Variants in ACSM2A observed in about 807,000 individuals in gnomAD.
ACSM2A encodes acyl-CoA synthetase medium chain family member 2A.
Under a neutral mutation model 76.6 loss-of-function variants are expected in ACSM2A, and 72 were observed. That is an observed-to-expected ratio of 0.94 (90% CI 0.78 to 1.14). The LOEUF (loss-of-function observed/expected upper bound fraction) is 1.14, where lower values mean the gene tolerates loss of function less well. Among genes scored for constraint, ACSM2A ranks in the 50% most tolerant of loss-of-function variants. The probability of loss-of-function intolerance (pLI) is 0.00; values close to 1 mark genes in which losing one functional copy is unlikely to be tolerated. For missense variants in ACSM2A, 684 were observed against 708.5 expected (o/e 0.97, Z 0.39); for synonymous variants, 249 against 255.9 (o/e 0.97, Z 0.26).
intron 6 of ACSM2A, chr16:20,474,179 C>A (rs754755012): frequency 4.6e-5 from 16 of 350,656 alleles, no homozygotes; most frequent in Admixed American, 1.1e-4. Flanking sequence ...TCTGTCATGG[C>A]CATGGTCACT....
At chr16:20,479,646 T>G (rs568977078) in intron 10 of ACSM2A, among the ~76,000 whole-genome samples, 3 of 152,216 alleles carry the variant, frequency 2.0e-5, no homozygotes, top group African/African-American at 7.2e-5. Flanking sequence ...AGAGCCACAC[T>G]GTCCCCTTCT....
At chr16:20,464,162 C>T (rs1251291163) in intron 2 of ACSM2A, among the ~76,000 whole-genome samples, 8 of 152,188 alleles carry the variant, frequency 5.3e-5, no homozygotes, top group Admixed American at 2.0e-4. Flanking sequence ...AACTATTTAA[C>T]CAGTGCCTAA....
chr16:20,475,810 T>A (rs1364106169), intron 8 of ACSM2A, 37 bp downstream of exon 8: 1 of 1,602,118 alleles, frequency 6.2e-7, no homozygotes, highest in East Asian at 2.2e-5. Flanking sequence ...CTGTGTGCAC[T>A]TTTTGGGCTT....
At chr16:20,455,111 T>A (rs550464860) in intron 1 of ACSM2A, among the ~76,000 whole-genome samples, 7 of 146,744 alleles carry the variant, frequency 4.8e-5, no homozygotes, top group East Asian at 2.2e-4. Context: ...AAAAAAAAAA[T>A]TTTCAATGAA....
Position 20,471,614 on chromosome 16 carries a change from T to C in ACSM2A, c.819T>C (p.Leu273=). Residue 273 remains leucine, a synonymous_variant, in exon 6 of 14, where the codon CTT becomes CTC. Transcript: ENST00000573854. The part of the protein sequence containing the change: ...TGWILNILCS[L]MEPWALGACT... ...GGATACTGAACATCTTGTGCTCACT[T>C]ATGGAACCTTGGGCATTAGGAGCAT... 6.2e-7 allele frequency: 1 copy of C among 1,614,078 alleles called. No individual in the cohort carries two copies. The highest frequency in any genetic ancestry group is 2.2e-5 in the East Asian group (1 of 44,878).
chr16:20,456,443 T>C (rs1402982379), intron 1 of ACSM2A, among the ~76,000 whole-genome samples: 1 of 148,528 alleles, frequency 6.7e-6, no homozygotes, highest in East Asian at 2.1e-4. Flanking sequence ...TGAAATTATA[T>C]CAAGTACTCT....
intron 1 of ACSM2A, among the ~76,000 whole-genome samples, chr16:20,457,096 A>G (rs2012219414): frequency 6.6e-6 from 1 of 151,998 alleles, no homozygotes; most frequent in African/African-American, 2.4e-5. Context: ...CTCCTAGCTT[A>G]AGTCAGGAAG....
intron 3 of ACSM2A, among the ~76,000 whole-genome samples, chr16:20,467,740 A>T (rs1160325063): frequency 1.2e-4 from 19 of 152,220 alleles, no homozygotes; most frequent in Non-Finnish European, 2.2e-4. Flanking sequence ...TGTTGAGTCC[A>T]GGATGTCCAT....
chr16:20,473,335 T>C (rs2013530770), intron 6 of ACSM2A, among the ~76,000 whole-genome samples: 1 of 152,138 alleles, frequency 6.6e-6, no homozygotes, highest in African/African-American at 2.4e-5. Context: ...AGTTCCACCA[T>C]TAAAAAAATG....
chr16:20,473,527 G>A (rs1400281485), intron 6 of ACSM2A, among the ~76,000 whole-genome samples: 3 of 152,118 alleles, frequency 2.0e-5, no homozygotes, highest in Admixed American at 6.6e-5. Flanking sequence ...TGTGTATCAA[G>A]CACACTTGAA....
chr16:20,475,519 T>C, intron 7 of ACSM2A, 78 bp downstream of exon 7: 2 of 1,604,786 alleles, frequency 1.2e-6, no homozygotes, highest in Non-Finnish European at 1.7e-6. Context: ...TGCCTATCTA[T>C]CTGAATCTCT....
At chr16:20,471,292 A>G (rs1396050648) in intron 5 of ACSM2A, 76 bp downstream of exon 5, 14 of 1,562,402 alleles carry the variant, frequency 9.0e-6, no homozygotes, top group Non-Finnish European at 1.2e-5. Context: ...CCAATTATAT[A>G]TTAAGTCAGG....
chr16:20,465,839 C>T, intron 3 of ACSM2A, 112 bp downstream of exon 3: 1 of 1,459,904 alleles, frequency 6.8e-7, no homozygotes, highest in Non-Finnish European at 9.1e-7. Context: ...GCATGCTGTC[C>T]TGTATCATAT....
intron 4 of ACSM2A, 156 bp from the exon 5 acceptor site, chr16:20,470,917 A>G (rs1487118330): frequency 4.2e-6 from 5 of 1,181,198 alleles, no homozygotes; most frequent in South Asian, 1.3e-5. Context: ...TGATTGACTC[A>G]GACTCCCATG....
chr16:20,480,737 G>C, intron 11 of ACSM2A, 37 bp downstream of exon 11: 1 of 1,609,898 alleles, frequency 6.2e-7, no homozygotes, highest in Non-Finnish European at 8.5e-7. Context: ...GGAAATCTGG[G>C]TCTTTACTCT....
chr16:20,467,673 C>T (rs952692474), intron 3 of ACSM2A, among the ~76,000 whole-genome samples: 3 of 152,016 alleles, frequency 2.0e-5, no homozygotes, highest in Non-Finnish European at 1.5e-5. Context: ...GTGAAGAACA[C>T]AGATATAGAA....
chr16:20,459,734 A>T (rs1417103609), intron 1 of ACSM2A, among the ~76,000 whole-genome samples: 1 of 152,202 alleles, frequency 6.6e-6, no homozygotes, highest in Non-Finnish European at 1.5e-5. Flanking sequence ...CTGGGAAGTC[A>T]CTTGAAAATG....
rs1186487543 is a variant in ACSM2A at position 20,469,728 on chromosome 16, C to G, written c.596+9C>G. 1.1e-5 allele frequency: 17 copies of G among 1,613,590 alleles called. No homozygotes were observed. Among genetic ancestry groups the G allele is most frequent in the Non-Finnish European group, 1.4e-5 (17 of 1,179,730 alleles). On this transcript the variant is annotated intron_variant, in intron 4 of 13. Coordinates refer to ENST00000573854, the MANE Select transcript of ACSM2A (RefSeq NM_001308172.2). Reference sequence around the variant, plus strand: ...TTCAAGAAACTACTAAAGTGAGTATCTACATGTCTCAGCCTGGGTTTTAAC... The same window carrying G: ...TTCAAGAAACTACTAAAGTGAGTATGTACATGTCTCAGCCTGGGTTTTAAC...
rs1436843567 is a variant in ACSM2A at position 20,478,652 on chromosome 16, C to T, written c.1256C>T (p.Pro419Leu). Residue 419 changes from proline (P) to leucine (L), a missense_variant, in exon 10 of 14, where the codon CCT (proline) becomes CTT (leucine). This residue lies in a region of ACSM2A where 519 missense variants were observed against 549.5 expected (regional missense o/e 0.94). Coordinates refer to ENST00000573854, the MANE Select transcript of ACSM2A (RefSeq NM_001308172.2). ...DIGIRVKPIR[P>L]IGIFSGYVDN... ...GGCATCAGGGTCAAACCCATCAGGC[C>T]TATAGGCATCTTCTCTGGCTATGTG... 1.2e-6 allele frequency: 2 copies of T among 1,613,478 alleles called. No homozygotes were observed. The highest frequency in any genetic ancestry group is 1.7e-6 in the Non-Finnish European group (2 of 1,179,534).
Sources: allele counts gnomAD v4.1 joint callset (sites outside exome capture counted in the v4.1 genomes callset), GRCh38; gene constraint gnomAD v4.1.1; regional missense constraint gnomAD v4.1.1; transcripts MANE v1.5; gene names NCBI Gene and HGNC (gene_info 2026-07-23, HGNC 2026-07-21).